Variants in NCOA3 observed in about 807,000 individuals in gnomAD.
The protein encoded by NCOA3 is nuclear receptor coactivator 3, also known as CBP-interacting protein.
A neutral mutation model predicts 158.8 loss-of-function variants in NCOA3; 51 were observed. That is an observed-to-expected ratio of 0.32 (90% CI 0.26 to 0.41). The LOEUF is 0.41. Ranked by LOEUF, NCOA3 falls within the 10% of genes least tolerant of loss-of-function variation. NCOA3 has a pLI of 1.00. For synonymous variants in NCOA3, 537 were observed against 592.4 expected, an observed-to-expected ratio of 0.91 and a Z score of 1.36; for missense variants, 1,510 against 1,746.6, an observed-to-expected ratio of 0.86 and a Z score of 2.41.
intron 5 of NCOA3, 122 bp downstream of exon 5, chr20:47,625,603 T>C (rs1568735478): frequency 5.7e-6 from 4 of 700,576 alleles, no homozygotes; most frequent in Non-Finnish European, 7.4e-6. Context: ...TTTTTTTCTT[T>C]GAGACAGTTC....
At chr20:47,554,226 G>A (rs1221927233) in intron 1 of NCOA3, among the ~76,000 whole-genome samples, 6 of 152,096 alleles carry the variant, frequency 3.9e-5, no homozygotes, top group South Asian at 2.1e-4. Context: ...TATATCCTTC[G>A]CCCACTTTTT....
At position 47,521,257 on chromosome 20, in the gene NCOA3, C is replaced by T. The variant is rs574081063; in HGVS notation, c.-99+19238C>T. On this transcript the variant is annotated intron_variant, in intron 1 of 22. Coordinates refer to ENST00000371998, the MANE Select transcript of NCOA3 (RefSeq NM_181659.3). ...CTCACAAGAGAGAACCAGAGACCGC[C>T]CCCGGAGGGGAATGTAATCACAGGC... Among the ~76,000 whole-genome samples the T allele has an allele frequency of 2.6e-5, 4 of 152,308 alleles. 1 individual carries two copies. In the South Asian group the frequency reaches 8.3e-4, roughly 32 times the overall value.
In NCOA3 at chr20:47,622,233, T is replaced by A; in HGVS notation, c.-15T>A. On this transcript the variant is annotated 5_prime_UTR_variant, in exon 3 of 23. Coordinates refer to ENST00000371998, the MANE Select transcript of NCOA3 (RefSeq NM_181659.3). ...TTTCTCATTATTCTCTCTTAGTTGC[T>A]GATGTATATTCAAGATGAGTGGATT... 6.5e-7 allele frequency: 1 copy of A among 1,533,376 alleles called. No individual in the cohort carries two copies. The highest frequency in any genetic ancestry group is 9.0e-7 in the Non-Finnish European group (1 of 1,114,250). 95.0% of individuals were successfully genotyped at this position (1,533,376 alleles called of 1,614,324 possible). A position where few individuals can be genotyped will look rare whatever the true frequency, so the allele number is the denominator to read the frequency against.
intron 9 of NCOA3, 82 bp downstream of exon 9, chr20:47,633,718 A>G: frequency 1.4e-6 from 2 of 1,453,594 alleles, no homozygotes; most frequent in Non-Finnish European, 1.9e-6. Flanking sequence ...GCTGGACTCG[A>G]ACTCCTGGAT....
chr20:47,553,932 T>G (rs1339812882), intron 1 of NCOA3, among the ~76,000 whole-genome samples: 1 of 152,174 alleles, frequency 6.6e-6, no homozygotes, highest in Non-Finnish European at 1.5e-5. Context: ...GATGGCTGGG[T>G]CAAATGGTAT....
Position 47,650,876 on chromosome 20 carries a change from C to G in NCOA3, c.3652-106C>G, listed in dbSNP as rs2086774011. 11 of 1,096,566 alleles carry G rather than the reference C, an allele frequency of 1.0e-5. 1 individual carries two copies. In the East Asian group the frequency reaches 2.6e-4, roughly 26 times the overall value. 67.9% of individuals were successfully genotyped at this position (1,096,566 alleles called of 1,614,324 possible). ...AGACCCTGTTAAAAAAAAGAAGGCC[C>G]TGGGTGTTTTCTGTCTTATACCTGG... On this transcript the variant is annotated intron_variant, in intron 19 of 22. Coordinates refer to ENST00000371998, the MANE Select transcript of NCOA3 (RefSeq NM_181659.3).
At chr20:47,648,289 G>C (rs895148084) in intron 18 of NCOA3, among the ~76,000 whole-genome samples, 12 of 152,066 alleles carry the variant, frequency 7.9e-5, no homozygotes, top group African/African-American at 2.9e-4. Context: ...CAGAAAAGCT[G>C]TGTTACTGTA....
Position 47,639,832 on chromosome 20 carries a change from C to T in NCOA3, c.2953+10C>T, listed in dbSNP as rs1602528591. 5 of 1,612,946 alleles carry T rather than the reference C, an allele frequency of 3.1e-6. No individual in the cohort carries two copies. The East Asian group carries it at 8.9e-5, about 29-fold the overall frequency. On this transcript the variant is annotated intron_variant, in intron 15 of 22. Transcript: ENST00000371998. ...CAGATGCTTCAAATGAGTAAGTGTC[C>T]ACCCTCCCCTCTTCATGAAAAAAGA...
chr20:47,565,536 T>G (rs1022315556), intron 1 of NCOA3, among the ~76,000 whole-genome samples: 5 of 152,062 alleles, frequency 3.3e-5, no homozygotes, highest in Admixed American at 2.6e-4. Context: ...GGTGACATGG[T>G]GAAACTCTGT....
In NCOA3 at chr20:47,618,304, G is replaced by A. The variant is rs142545285; in HGVS notation, c.-19-3925G>A. Among the ~76,000 whole-genome samples, 208 of 150,126 alleles carry A rather than the reference G, an allele frequency of 1.4e-3. 2 individuals carry two copies. The highest frequency in any genetic ancestry group is 5.3e-4 in the Non-Finnish European group (36 of 67,660). ...CTTAAACAATTATACCTTTATGTTC[G>A]GGTAAACACCTTTTTCATGATTTTA... On this transcript the variant is annotated intron_variant, in intron 2 of 22. Transcript: ENST00000371998.
chr20:47,523,965 G>A (rs749243198), intron 1 of NCOA3, among the ~76,000 whole-genome samples: 4 of 152,226 alleles, frequency 2.6e-5, no homozygotes, highest in Non-Finnish European at 5.9e-5. Flanking sequence ...TAGAAGAACG[G>A]TTCCGGTTAA....
intron 18 of NCOA3, among the ~76,000 whole-genome samples, chr20:47,648,330 A>C (rs1442045403): frequency 6.6e-6 from 1 of 152,170 alleles, no homozygotes; most frequent in East Asian, 1.9e-4. Flanking sequence ...TTCTTCACTA[A>C]AAGTCATTTA....
chr20:47,566,673 A>G (rs1416318790), intron 1 of NCOA3, among the ~76,000 whole-genome samples: 3 of 151,996 alleles, frequency 2.0e-5, no homozygotes, highest in Non-Finnish European at 4.4e-5. Flanking sequence ...TACCATGCCC[A>G]GCTAATTTTT....
intron 1 of NCOA3, among the ~76,000 whole-genome samples, chr20:47,568,455 T>G (rs2085234793): frequency 6.6e-6 from 1 of 152,218 alleles, no homozygotes; most frequent in Non-Finnish European, 1.5e-5. Context: ...TCCATTCTGT[T>G]AAGTGTGCAG....
chr20:47,511,377 A>G (rs544492500), intron 1 of NCOA3, among the ~76,000 whole-genome samples: 2 of 138,546 alleles, frequency 1.4e-5, no homozygotes, highest in East Asian at 4.2e-4. Context: ...CCTCCCAAGT[A>G]GCTGGGACTA....
chr20:47,584,536 C>T (rs567168439), intron 2 of NCOA3, among the ~76,000 whole-genome samples: 1 of 150,940 alleles, frequency 6.6e-6, no homozygotes, highest in East Asian at 2.0e-4. Flanking sequence ...AGGAAAATCA[C>T]TTGAACCTTG....
intron 1 of NCOA3, among the ~76,000 whole-genome samples, chr20:47,554,655 G>A (rs1029450770): frequency 2.0e-4 from 31 of 151,978 alleles, no homozygotes; most frequent in Non-Finnish European, 3.2e-4. Context: ...TACAAGGGAT[G>A]TGAAAGACCT....
intron 1 of NCOA3, among the ~76,000 whole-genome samples, chr20:47,509,312 T>C (rs532197712): frequency 5.9e-5 from 9 of 152,290 alleles, no homozygotes; most frequent in African/African-American, 2.2e-4. Flanking sequence ...GAGGATGACT[T>C]GAGCCCAGGA....
chr20:47,530,693 G>A (rs951816844), intron 1 of NCOA3, among the ~76,000 whole-genome samples: 36 of 152,172 alleles, frequency 2.4e-4, no homozygotes, highest in African/African-American at 8.4e-4. Context: ...TCAAACTCTT[G>A]CCCTCAAGTG....
Sources: allele counts gnomAD v4.1 joint callset (sites outside exome capture counted in the v4.1 genomes callset), GRCh38; gene constraint gnomAD v4.1.1; transcripts MANE v1.5; gene names NCBI Gene and HGNC (gene_info 2026-07-23, HGNC 2026-07-21).